MMGT1: variants seen among roughly 807,000 people sequenced by gnomAD.
MMGT1 encodes ER membrane protein complex subunit 5.
A neutral mutation model predicts 11.7 loss-of-function variants in MMGT1; 2 were observed. The observed-to-expected ratio is 0.17, with a 90% confidence interval of 0.07 to 0.54. MMGT1 has a LOEUF of 0.54. Ranked by LOEUF, MMGT1 falls within the 20% of genes least tolerant of loss-of-function variation. MMGT1 has a pLI of 0.94. For missense variants in MMGT1, 74 were observed against 109.0 expected, an observed-to-expected ratio of 0.68 and a Z score of 1.43; for synonymous variants, 49 against 44.4, an observed-to-expected ratio of 1.10 and a Z score of -0.41.
In MMGT1 at chrX:135,965,201, G is replaced by T; in HGVS notation, c.237-18C>A. The T allele has an allele frequency of 8.5e-7, 1 of 1,173,021 alleles. No individual in the cohort carries two copies. Among genetic ancestry groups the T allele is most frequent in the Non-Finnish European group, 1.2e-6 (1 of 865,472 alleles). ...CAAATGTCCTTGAAAGAAGAAAAAA[G>T]CATCAATTTTAGATAAACCTTTATA... is the stretch of plus-strand genomic sequence containing the variant. On this transcript the variant is annotated intron_variant, in intron 3 of 3. Coordinates refer to ENST00000305963, the MANE Select transcript of MMGT1 (RefSeq NM_173470.3).
rs1268411611 is a variant in MMGT1, at chrX:135,962,181, A to G, written c.*2843T>C. 1 of 111,848 alleles carries G rather than the reference A, an allele frequency of 8.9e-6. No homozygotes were observed. Among genetic ancestry groups the G allele is most frequent in the Non-Finnish European group, 1.9e-5 (1 of 53,148 alleles). 9.2% of individuals were successfully genotyped at this position (111,848 alleles called of 1,213,427 possible). A position where few individuals can be genotyped will look rare whatever the true frequency, so the allele number is the denominator to read the frequency against. On this transcript the variant is annotated 3_prime_UTR_variant, in exon 4 of 4. Coordinates refer to ENST00000305963, the MANE Select transcript of MMGT1 (RefSeq NM_173470.3). ...GGTGTTACAGGCATTGATGCTCACA[A>G]CAAACAACATTATTCAATACATCAT...
intron 2 of MMGT1, among the ~76,000 whole-genome samples, chrX:135,969,196 G>C (rs1556612348): frequency 9.1e-6 from 1 of 109,587 alleles, no homozygotes; most frequent in African/African-American, 3.3e-5. Context: ...AAAGGTGATA[G>C]GAGTTAACAG....
intron 2 of MMGT1, among the ~76,000 whole-genome samples, chrX:135,967,734 C>T (rs887057145): frequency 3.6e-5 from 4 of 111,855 alleles, no homozygotes; most frequent in Non-Finnish European, 5.6e-5. Flanking sequence ...TAAGCAAAAT[C>T]ACTGAGTACT....
At position 135,961,759 on chromosome X, in the gene MMGT1, G is replaced by A. The variant is rs972370919; in HGVS notation, c.*3265C>T. On this transcript the variant is annotated 3_prime_UTR_variant, in exon 4 of 4. Transcript: ENST00000305963. ...GTATAAAGTGACACTTTCAATGGGAGTTTGGCTTTATAACAAATTTGTGAT... is the reference window on the plus strand; with the variant it reads ...GTATAAAGTGACACTTTCAATGGGAATTTGGCTTTATAACAAATTTGTGAT... Among the ~76,000 whole-genome samples the A allele has an allele frequency of 1.9e-4, 21 of 111,547 alleles. No homozygotes were observed. The South Asian group carries it at 2.2e-3, about 12-fold the overall frequency.
At position 135,964,732 on chromosome X, in the gene MMGT1, A is replaced by G; in HGVS notation, c.*292T>C. The G allele has an allele frequency of 2.5e-5, 5 of 200,513 alleles. No individual in the cohort carries two copies. Among genetic ancestry groups the G allele is most frequent in the Non-Finnish European group, 3.6e-5 (4 of 110,494 alleles). 16.5% of individuals were successfully genotyped at this position (200,513 alleles called of 1,213,427 possible). On this transcript the variant is annotated 3_prime_UTR_variant, in exon 4 of 4. Coordinates refer to ENST00000305963, the MANE Select transcript of MMGT1 (RefSeq NM_173470.3). The stretch of plus-strand genomic sequence containing the variant: ...ATAAATAATCACAAAAACCACCAAC[A>G]TTTTTCAAGGAAATGTGTTCAAAAC...
In MMGT1 at chrX:135,960,812, A is replaced by G. The variant is rs192074121; in HGVS notation, c.*4212T>C. ...AACAGAACATGACTACACATTTCAC[A>G]GGAAATATCAGTAATCAATAAACAT... On this transcript the variant is annotated 3_prime_UTR_variant, in exon 4 of 4. Transcript: ENST00000305963. 1.8e-5 allele frequency among the ~76,000 whole-genome samples: 2 copies of G among 112,336 alleles called. No individual in the cohort carries two copies. Among genetic ancestry groups the G allele is most frequent in the East Asian group, 5.5e-4 (2 of 3,605 alleles).
chrX:135,973,033 C>A (rs1346178983), intron 1 of MMGT1, among the ~76,000 whole-genome samples: 3 of 112,395 alleles, frequency 2.7e-5, no homozygotes, highest in Non-Finnish European at 5.6e-5. Flanking sequence ...CAAACAGCGA[C>A]CCAAAACTGA....
At chrX:135,969,431 T>C (rs899304656) in intron 2 of MMGT1, among the ~76,000 whole-genome samples, 3 of 111,088 alleles carry the variant, frequency 2.7e-5, no homozygotes, top group Admixed American at 9.6e-5. Context: ...CCTTTGCCTC[T>C]CGGGTTCAAG....
intron 3 of MMGT1, 91 bp downstream of exon 3, chrX:135,967,299 C>A: frequency 1.7e-6 from 1 of 595,523 alleles, no homozygotes; most frequent in South Asian, 2.8e-5. Flanking sequence ...ACAAAACCAA[C>A]TTTTATGTAT....
chrX:135,964,905 C>A lies in MMGT1; in HGVS notation c.*119G>T. On this transcript the variant is annotated 3_prime_UTR_variant, in exon 4 of 4. Coordinates refer to ENST00000305963, the MANE Select transcript of MMGT1 (RefSeq NM_173470.3). ...TAAACAAGGGCCATGGTTTTTTTTA[C>A]TAAAGTAGGTCTGAAAGATCAATAT... The A allele has an allele frequency of 1.7e-6, 1 of 583,522 alleles. No homozygotes were observed. The highest frequency in any genetic ancestry group is 2.7e-6 in the Non-Finnish European group (1 of 376,805). 48.1% of individuals were successfully genotyped at this position (583,522 alleles called of 1,213,427 possible). A position where few individuals can be genotyped will look rare whatever the true frequency, so the allele number is the denominator to read the frequency against.
chrX:135,970,549 C>A (rs939493995), intron 2 of MMGT1, among the ~76,000 whole-genome samples: 17 of 111,924 alleles, frequency 1.5e-4, no homozygotes, highest in South Asian at 1.5e-3. Context: ...AAGACTATTT[C>A]GACTACAGCT....
chrX:135,970,211 A>T, intron 2 of MMGT1, among the ~76,000 whole-genome samples: 1 of 110,003 alleles, frequency 9.1e-6, no homozygotes, highest in South Asian at 3.9e-4. Context: ...CTAAAAACAC[A>T]AAAAAATTAG....
intron 3 of MMGT1, among the ~76,000 whole-genome samples, chrX:135,966,381 G>A (rs1350426843): frequency 8.9e-6 from 1 of 111,974 alleles, no homozygotes; most frequent in African/African-American, 3.2e-5. Flanking sequence ...ATCACTTCAG[G>A]TCAGGAGTTC....
At chrX:135,966,364 C>T (rs1342074271) in intron 3 of MMGT1, among the ~76,000 whole-genome samples, 1 of 111,953 alleles carries the variant, frequency 8.9e-6, no homozygotes, top group African/African-American at 3.2e-5. Flanking sequence ...GAACCCAAGG[C>T]GGGTGGATCA....
rs1316740530 is a variant in MMGT1, at chrX:135,961,542, C to G, written c.*3482G>C. On this transcript the variant is annotated 3_prime_UTR_variant, in exon 4 of 4. Coordinates refer to ENST00000305963, the MANE Select transcript of MMGT1 (RefSeq NM_173470.3). ...GCATACATCATCTTTCTTGCCCCCA[C>G]TCCCCTTTCTAAGAACACTTAATTA... 9.0e-5 allele frequency among the ~76,000 whole-genome samples: 10 copies of G among 111,316 alleles called. No homozygotes were observed. Among genetic ancestry groups the G allele is most frequent in the African/African-American group, 3.3e-4 (10 of 30,597 alleles).
intron 1 of MMGT1, among the ~76,000 whole-genome samples, chrX:135,972,277 C>T (rs190890240): frequency 1.7e-3 from 195 of 112,617 alleles, no homozygotes; most frequent in Non-Finnish European, 2.7e-3. Flanking sequence ...TCTAGATGAA[C>T]CTAGGACAAT....
rs2089176532 is a variant in MMGT1 at position 135,964,862 on chromosome X, G to T, written c.*162C>A. On this transcript the variant is annotated 3_prime_UTR_variant, in exon 4 of 4. Transcript: ENST00000305963. The stretch of plus-strand genomic sequence containing the variant: ...CACATATAACTTACACTGCATTAAT[G>T]ATTGGATTAACAGTATATAAACAAG... 1 of 394,633 alleles carries T rather than the reference G, an allele frequency of 2.5e-6. No homozygotes were observed. The highest frequency in any genetic ancestry group is 4.5e-6 in the Non-Finnish European group (1 of 220,835). The allele number at this position is 394,633 out of a possible 1,213,427, so 32.5% of individuals were successfully genotyped here. A position where few individuals can be genotyped will look rare whatever the true frequency, so the allele number is the denominator to read the frequency against.
intron 2 of MMGT1, 145 bp downstream of exon 2, chrX:135,970,913 G>GAGAAA (rs781928274): frequency 4.2e-4 from 176 of 422,336 alleles, no homozygotes; most frequent in Middle Eastern, 1.5e-3. Flanking sequence ...CGTCTCAAAA[G>GAGAAA]AGAAAAGAAA....
In MMGT1 at chrX:135,965,031, C is replaced by T. The variant is rs782610277; in HGVS notation, c.389G>A (p.Arg130His). ...SLKLRKLESL[R>H]R ...TTATAATTTGTAAAAATCTTAACGA[C>T]GCAGTGATTCGAGTTTTCGTAACTT... Residue 130 changes from arginine to histidine, a missense_variant, in exon 4 of 4, where the codon CGT becomes CAT. Transcript: ENST00000305963. The T allele has an allele frequency of 7.5e-6, 9 of 1,204,453 alleles. No homozygotes were observed. Among genetic ancestry groups the T allele is most frequent in the South Asian group, 5.3e-5 (3 of 56,269 alleles).
Sources: gnomAD v4.1 joint callset for allele counts (sites outside exome capture counted in the v4.1 genomes callset) on GRCh38, gnomAD v4.1.1 for gene constraint, MANE v1.5 for transcripts, NCBI Gene and HGNC (gene_info 2026-07-23, HGNC 2026-07-21) for gene names.